The following ZNF18 variants were observed in gnomAD, a reference collection of about 807,000 sequenced individuals.
ZNF18 encodes the protein zinc finger protein 18, also known as heart development-specific gene 1 protein.
A neutral mutation model predicts 58.1 loss-of-function variants in ZNF18; 42 were observed. The observed-to-expected ratio is 0.72, with a 90% CI of 0.56 to 0.93. The LOEUF is 0.93. Ranked by LOEUF, ZNF18 falls within the 40% of genes least tolerant of loss-of-function variation. The probability of loss-of-function intolerance (pLI) is 0.00; values close to 1 mark genes in which losing one functional copy is unlikely to be tolerated. For missense variants in ZNF18, 540 were observed against 644.2 expected (o/e 0.84, Z 1.75); for synonymous variants, 231 against 239.8 (o/e 0.96, Z 0.34).
the ZNF18 span, among the ~76,000 whole-genome samples, chr17:12,018,344 G>A: frequency 3.0e-4 from 46 of 152,272 alleles, no homozygotes; most frequent in African/African-American, 1.0e-3. Context: ...CAACATAAAT[G>A]TATTTTCTCA....
At chr17:12,019,587 G>T in the ZNF18 span, among the ~76,000 whole-genome samples, 100,408 of 151,690 alleles carry the variant, frequency 0.66, 34,748 homozygotes, top group South Asian at 0.82. Flanking sequence ...GCTCTCCACT[G>T]AAGTACACCT....
At chr17:12,001,997 G>A (rs995789101), upstream of ZNF18, among the ~76,000 whole-genome samples, 2 of 151,880 alleles carry the variant, frequency 1.3e-5, no homozygotes, top group African/African-American at 4.8e-5. Context: ...AAGCAATAGA[G>A]CAAAAGAACC....
At chr17:12,014,534 C>T in the ZNF18 span, among the ~76,000 whole-genome samples, 3 of 152,234 alleles carry the variant, frequency 2.0e-5, no homozygotes, top group African/African-American at 4.8e-5. Flanking sequence ...AAGTTAGATA[C>T]GTATTGTGTG....
chr17:11,988,043 A>C (rs1255333154), intron 4 of ZNF18, among the ~76,000 whole-genome samples: 6 of 152,196 alleles, frequency 3.9e-5, no homozygotes, highest in Non-Finnish European at 7.3e-5. Flanking sequence ...TGATGTTTTA[A>C]TTAAGATGTA....
the ZNF18 span, among the ~76,000 whole-genome samples, chr17:12,006,537 G>A: frequency 6.6e-6 from 1 of 152,142 alleles, no homozygotes; most frequent in Non-Finnish European, 1.5e-5. Flanking sequence ...TGTATCACGT[G>A]TTTTAGGATA....
chr17:12,003,181 C>A, the ZNF18 span, among the ~76,000 whole-genome samples: 1 of 152,110 alleles, frequency 6.6e-6, no homozygotes, highest in African/African-American at 2.4e-5. Flanking sequence ...AGAGGCCAGG[C>A]GTGGTGGCTC....
intron 6 of ZNF18, among the ~76,000 whole-genome samples, chr17:11,980,591 T>G (rs1967275656): frequency 6.6e-6 from 1 of 152,062 alleles, no homozygotes; most frequent in Non-Finnish European, 1.5e-5. Context: ...CAGCTAATTT[T>G]TGTAGTGTAG....
At chr17:11,991,999 G>A (rs1462749941) in intron 2 of ZNF18, among the ~76,000 whole-genome samples, 4 of 152,042 alleles carry the variant, frequency 2.6e-5, no homozygotes, top group East Asian at 3.9e-4. Flanking sequence ...GAAGCTCCAC[G>A]CTCTTTCCCC....
the ZNF18 span, among the ~76,000 whole-genome samples, chr17:12,015,825 G>A: frequency 4.0e-5 from 6 of 151,284 alleles, no homozygotes; most frequent in South Asian, 1.2e-3. Context: ...GTCTTTCTCT[G>A]TCACTCAGGC....
chr17:12,000,864 C>G (rs1466762290), upstream of ZNF18, among the ~76,000 whole-genome samples: 1 of 152,102 alleles, frequency 6.6e-6, no homozygotes, highest in East Asian at 1.9e-4. Flanking sequence ...TAGAGAAATC[C>G]TGAATGGAAT....
At chr17:12,014,589 G>A in the ZNF18 span, among the ~76,000 whole-genome samples, 1 of 152,182 alleles carries the variant, frequency 6.6e-6, no homozygotes, top group Non-Finnish European at 1.5e-5. Context: ...TCCAGAATTG[G>A]CAAATATATA....
chr17:11,993,292 G>C (rs1176784838), intron 1 of ZNF18, among the ~76,000 whole-genome samples: 1 of 152,066 alleles, frequency 6.6e-6, no homozygotes, highest in African/African-American at 2.4e-5. Context: ...GCTGGAAAAA[G>C]ATATTAATGC....
chr17:12,001,045 G>C (rs1597991873), upstream of ZNF18, among the ~76,000 whole-genome samples: 4 of 152,280 alleles, frequency 2.6e-5, no homozygotes, highest in East Asian at 7.7e-4. Context: ...TGTATGGAAG[G>C]GGAGAAAAGT....
At chr17:12,009,601 C>T in the ZNF18 span, among the ~76,000 whole-genome samples, 9 of 152,014 alleles carry the variant, frequency 5.9e-5, no homozygotes, top group East Asian at 1.5e-3. Context: ...TACAGGCGCC[C>T]GTCACCATGC....
chr17:11,992,442 C>T lies in ZNF18; in HGVS notation c.387+1G>A. On this transcript the variant is annotated splice_donor_variant, in intron 2 of 6. Transcript: ENST00000580306. LOFTEE classifies it high-confidence loss of function. ...CGCAGATCATAATACCCTCTGCTTA[C>T]CCATTGCCACAGTCTCTGGGGGTCC... 6.2e-6 allele frequency: 10 copies of T among 1,613,030 alleles called. No individual in the cohort carries two copies. The highest frequency in any genetic ancestry group is 8.5e-6 in the Non-Finnish European group (10 of 1,179,308).
rs1967511917 is a variant in ZNF18, at chr17:11,983,426, A to G, written c.752-19T>C. 3 of 1,591,508 alleles carry G rather than the reference A, an allele frequency of 1.9e-6. No individual in the cohort carries two copies. Among genetic ancestry groups the G allele is most frequent in the African/African-American group, 1.3e-5 (1 of 74,472 alleles). ...ATGCCTGCTATAGAGAGAAAGATGT[A>G]TGGTGGGCCTGGATGAATAGGGAAG... On this transcript the variant is annotated intron_variant, in intron 5 of 6. Transcript: ENST00000580306.
chr17:11,990,395 G>T, intron 4 of ZNF18, 67 bp downstream of exon 4: 1 of 1,363,328 alleles, frequency 7.3e-7, no homozygotes, highest in Non-Finnish European at 1.0e-6. Context: ...GGGGTGAAGA[G>T]AAGCAGGAGG....
chr17:12,017,707 G>A, the ZNF18 span, among the ~76,000 whole-genome samples: 1,760 of 151,804 alleles, frequency 0.012, 21 homozygotes, highest in Middle Eastern at 0.048. Flanking sequence ...GTGAAACCCC[G>A]TCTCTACTAA....
chr17:11,988,778 C>T (rs1452317060), intron 4 of ZNF18, among the ~76,000 whole-genome samples: 1 of 149,536 alleles, frequency 6.7e-6, no homozygotes, highest in Admixed American at 6.6e-5. Context: ...TATAGTAATA[C>T]AAAAATATAT....
Sources: gnomAD v4.1 joint callset for allele counts (sites outside exome capture counted in the v4.1 genomes callset) on GRCh38, gnomAD v4.1.1 for gene constraint, MANE v1.5 for transcripts, NCBI Gene and HGNC (gene_info 2026-07-23, HGNC 2026-07-21) for gene names.